ZNF804A: variants seen among roughly 807,000 people sequenced by gnomAD.
The protein encoded by ZNF804A is zinc finger protein 804A.
ZNF804A carries 2 observed loss-of-function variants against 16.5 expected under a neutral mutation model. That is an observed-to-expected ratio of 0.12 (90% confidence interval 0.05 to 0.38). The LOEUF (loss-of-function observed/expected upper bound fraction) is 0.38, where lower values mean the gene tolerates loss of function less well. ZNF804A is among the 10% of genes least tolerant of loss of function. ZNF804A has a pLI of 0.99. For synonymous variants in ZNF804A, 534 were observed against 489.6 expected (o/e 1.09, Z -1.20); for missense variants, 1,473 against 1,390.7 (o/e 1.06, Z -0.94).
Position 184,935,798 on chromosome 2 carries a change from C to G in ZNF804A, c.402C>G (p.Gly134=). 1 of 1,605,116 alleles carries G rather than the reference C, an allele frequency of 6.2e-7. No individual in the cohort carries two copies. The highest frequency in any genetic ancestry group is 8.5e-7 in the Non-Finnish European group (1 of 1,175,724). ...CTCTCTCTAGTGCTCCTGGAAGTGGCCCCATGTTCAAATCAACAACTGTTA... is the reference window on the plus strand; with the variant it reads ...CTCTCTCTAGTGCTCCTGGAAGTGGGCCCATGTTCAAATCAACAACTGTTA... ...RKETVCAPGS[G]PMFKSTTVTV... Residue 134 remains glycine (G), a synonymous_variant, in exon 4 of 4, where the codon GGC becomes GGG. Transcript: ENST00000302277.
chr2:184,802,616 C>G (rs1466811590), intron 1 of ZNF804A, among the ~76,000 whole-genome samples: 1 of 152,130 alleles, frequency 6.6e-6, no homozygotes, highest in Non-Finnish European at 1.5e-5. Context: ...ACTTCTTTCT[C>G]CAGATTTTGG....
intron 1 of ZNF804A, among the ~76,000 whole-genome samples, chr2:184,864,052 T>C (rs1695837796): frequency 6.6e-6 from 1 of 152,176 alleles, no homozygotes; most frequent in Non-Finnish European, 1.5e-5. Context: ...TTAGTTCATT[T>C]GTGTTGTTCT....
At chr2:184,799,605 C>T (rs770288226) in intron 1 of ZNF804A, among the ~76,000 whole-genome samples, 7 of 152,178 alleles carry the variant, frequency 4.6e-5, no homozygotes, top group Non-Finnish European at 1.0e-4. Flanking sequence ...TCACTGTAAC[C>T]TCCACCTCCC....
intron 2 of ZNF804A, among the ~76,000 whole-genome samples, chr2:184,899,018 A>G (rs1685133374): frequency 6.6e-6 from 1 of 151,978 alleles, no homozygotes; most frequent in Admixed American, 6.6e-5. Context: ...TATGTGTTTG[A>G]TTTTATATTC....
Position 184,880,022 on chromosome 2 carries a change from A to G in ZNF804A, c.255+13510A>G, listed in dbSNP as rs144231172. Among the ~76,000 whole-genome samples, 40 of 152,144 alleles carry G rather than the reference A, an allele frequency of 2.6e-4. No homozygotes were observed. The East Asian group carries it at 7.5e-3, about 29-fold the overall frequency. On this transcript the variant is annotated intron_variant, in intron 2 of 3. Transcript: ENST00000302277. ...GTAGCAATTACATGTTACTGAGGGA[A>G]AATAGTACTAGGTTTTAATATTTGC...
intron 1 of ZNF804A, among the ~76,000 whole-genome samples, chr2:184,775,706 A>T (rs1241084153): frequency 2.6e-5 from 4 of 151,672 alleles, no homozygotes; most frequent in Non-Finnish European, 5.9e-5. Context: ...CGGAAGCTTG[A>T]ATACTTAGTA....
intron 1 of ZNF804A, among the ~76,000 whole-genome samples, chr2:184,679,923 G>A (rs1692509065): frequency 6.6e-6 from 1 of 152,156 alleles, no homozygotes; most frequent in Admixed American, 6.5e-5. Context: ...TCTAGGCCAG[G>A]GAAGGCCTGA....
chr2:184,706,634 T>C (rs17509003), intron 1 of ZNF804A, among the ~76,000 whole-genome samples: 7,880 of 152,032 alleles, frequency 0.052, 262 homozygotes, highest in Non-Finnish European at 0.077. Flanking sequence ...AGATATGGAG[T>C]CTTCAGATGA....
At chr2:184,609,520 T>C (rs1301518628) in intron 1 of ZNF804A, among the ~76,000 whole-genome samples, 1 of 152,198 alleles carries the variant, frequency 6.6e-6, no homozygotes. Flanking sequence ...TAATATAGAC[T>C]GGGTGGCTTA....
intron 1 of ZNF804A, among the ~76,000 whole-genome samples, chr2:184,602,109 CATA>C (rs1691059929): frequency 1.3e-5 from 2 of 151,854 alleles, no homozygotes; most frequent in Non-Finnish European, 3.0e-5. Context: ...TTCTATAGGT[CATA>C]TTATACCACC....
chr2:184,806,610 A>T (rs1694809296), intron 1 of ZNF804A, among the ~76,000 whole-genome samples: 1 of 151,866 alleles, frequency 6.6e-6, no homozygotes, highest in African/African-American at 2.4e-5. Flanking sequence ...TTTAATATAC[A>T]GTCACATTGT....
chr2:184,906,915 T>A (rs1161181133), intron 2 of ZNF804A, among the ~76,000 whole-genome samples: 3 of 152,112 alleles, frequency 2.0e-5, no homozygotes, highest in Admixed American at 2.0e-4. Context: ...GTGCTGGCTT[T>A]GAAGATGGAA....
chr2:184,630,674 AT>A (rs1342235463), intron 1 of ZNF804A, among the ~76,000 whole-genome samples: 1 of 152,134 alleles, frequency 6.6e-6, no homozygotes, highest in East Asian at 1.9e-4. Context: ...GCAACTAATG[AT>A]CCATTCATCA....
At chr2:184,825,301 G>A (rs774334150) in intron 1 of ZNF804A, among the ~76,000 whole-genome samples, 2 of 152,034 alleles carry the variant, frequency 1.3e-5, no homozygotes, top group Non-Finnish European at 2.9e-5. Flanking sequence ...TATTTAAAAT[G>A]GTTAAAATGT....
chr2:184,801,715 C>A (rs1271106831), intron 1 of ZNF804A, among the ~76,000 whole-genome samples: 1 of 152,146 alleles, frequency 6.6e-6, no homozygotes, highest in Non-Finnish European at 1.5e-5. Context: ...TCTTTGATTA[C>A]ATTAACAACG....
chr2:184,797,899 G>T (rs1251943950), intron 1 of ZNF804A, among the ~76,000 whole-genome samples: 2 of 151,938 alleles, frequency 1.3e-5, no homozygotes, highest in Non-Finnish European at 2.9e-5. Context: ...TATAGTTGTG[G>T]CTTGGTAGTG....
intron 2 of ZNF804A, among the ~76,000 whole-genome samples, chr2:184,889,891 T>C (rs1558993784): frequency 1.3e-5 from 2 of 152,152 alleles, no homozygotes; most frequent in South Asian, 4.1e-4. Context: ...GTACGAAACT[T>C]AAACATGAAA....
At chr2:184,725,494 G>C (rs2105744747) in intron 1 of ZNF804A, among the ~76,000 whole-genome samples, 2 of 151,584 alleles carry the variant, frequency 1.3e-5, no homozygotes, top group South Asian at 4.2e-4. Flanking sequence ...CAACTTGTTT[G>C]TAATTACCCA....
At chr2:184,657,406 C>T (rs545007173) in intron 1 of ZNF804A, among the ~76,000 whole-genome samples, 67 of 152,280 alleles carry the variant, frequency 4.4e-4, no homozygotes, top group African/African-American at 9.9e-4. Flanking sequence ...AGATTGAATT[C>T]TAATCACTTG....
Sources: gnomAD v4.1 joint callset for allele counts (sites outside exome capture counted in the v4.1 genomes callset) on GRCh38, gnomAD v4.1.1 for gene constraint, MANE v1.5 for transcripts, NCBI Gene and HGNC (gene_info 2026-07-23, HGNC 2026-07-21) for gene names.